PHTF1: variants seen among roughly 807,000 people sequenced by gnomAD.
PHTF1 encodes the protein putative homeodomain transcription factor 1.
Under a neutral mutation model 102.4 loss-of-function variants are expected in PHTF1, and 88 were observed. The observed-to-expected ratio is 0.86, with a 90% CI of 0.72 to 1.03. The LOEUF (loss-of-function observed/expected upper bound fraction) is 1.03, where lower values mean the gene tolerates loss of function less well. Among genes scored for constraint, PHTF1 ranks in the 50% least tolerant of loss-of-function variants. The pLI, the probability that PHTF1 is intolerant of heterozygous loss-of-function variation, is 0.00. For synonymous variants in PHTF1, 289 were observed against 305.2 expected (o/e 0.95, Z 0.55); for missense variants, 814 against 909.5 (o/e 0.89, Z 1.35).
intron 17 of PHTF1, 44 bp from the exon 18 acceptor site, chr1:113,698,431 C>G (rs748517776): frequency 3.8e-6 from 6 of 1,581,492 alleles, no homozygotes; most frequent in Non-Finnish European, 5.2e-6. Flanking sequence ...CATGTTTTCT[C>G]ATAGCTACTC....
At chr1:113,709,427 T>C (rs1173591408) in intron 11 of PHTF1, among the ~76,000 whole-genome samples, 2 of 152,190 alleles carry the variant, frequency 1.3e-5, no homozygotes, top group Non-Finnish European at 2.9e-5. Flanking sequence ...GTGGAAATAT[T>C]TAGCCTAAAG....
At chr1:113,750,596 C>A (rs529407380) in intron 3 of PHTF1, among the ~76,000 whole-genome samples, 3 of 152,086 alleles carry the variant, frequency 2.0e-5, no homozygotes, top group Admixed American at 6.5e-5. Flanking sequence ...TGGTGGCTCA[C>A]GCCTGTAATC....
chr1:113,715,854 G>A (rs1240216999), intron 7 of PHTF1, among the ~76,000 whole-genome samples: 1 of 150,352 alleles, frequency 6.7e-6, no homozygotes, highest in Admixed American at 6.7e-5. Context: ...CTTAACAGCA[G>A]AATTGATCAA....
At chr1:113,753,650 A>G (rs1449156026) in intron 3 of PHTF1, among the ~76,000 whole-genome samples, 4 of 148,974 alleles carry the variant, frequency 2.7e-5, no homozygotes, top group Admixed American at 1.3e-4. Flanking sequence ...CTAGTCTTGA[A>G]CTCCTGAGCT....
intron 10 of PHTF1, 81 bp from the exon 11 acceptor site, chr1:113,710,556 C>G (rs936271183): frequency 9.8e-7 from 1 of 1,020,496 alleles, no homozygotes; most frequent in Non-Finnish European, 1.5e-6. Context: ...AACAACTTAT[C>G]TACAGCAATG....
chr1:113,740,019 T>C (rs1656114837), intron 3 of PHTF1, among the ~76,000 whole-genome samples: 1 of 152,256 alleles, frequency 6.6e-6, no homozygotes, highest in East Asian at 1.9e-4. Context: ...TCATGACTAT[T>C]GTGAACAGTG....
intron 5 of PHTF1, among the ~76,000 whole-genome samples, chr1:113,737,893 G>A (rs1335659060): frequency 1.3e-5 from 2 of 152,242 alleles, no homozygotes; most frequent in East Asian, 3.8e-4. Context: ...GAGACAGGTA[G>A]AAAGAAACTC....
chr1:113,723,613 G>A (rs1044075640), intron 7 of PHTF1, among the ~76,000 whole-genome samples: 1 of 152,110 alleles, frequency 6.6e-6, no homozygotes, highest in African/African-American at 2.4e-5. Flanking sequence ...CTCACCATAT[G>A]CAAAAATCAA....
rs1222752441 is a variant in PHTF1, at chr1:113,710,235, T to C, written c.1269+19A>G. The C allele has an allele frequency of 1.3e-6, 2 of 1,571,422 alleles. No individual in the cohort carries two copies. Among genetic ancestry groups the C allele is most frequent in the Admixed American group, 1.7e-5 (1 of 59,952 alleles). ...AGAACACAATAAATACTAGCTATTC[T>C]TATCATGTCTGCACAGACCTGCTGA... is the stretch of plus-strand genomic sequence containing the variant. On this transcript the variant is annotated intron_variant, in intron 11 of 18. Coordinates refer to ENST00000369604, the MANE Select transcript of PHTF1 (RefSeq NM_001323043.2).
intron 3 of PHTF1, among the ~76,000 whole-genome samples, chr1:113,746,660 C>T (rs758086761): frequency 1.8e-4 from 28 of 152,152 alleles, no homozygotes; most frequent in Non-Finnish European, 3.2e-4. Context: ...AGCCAATATA[C>T]GTAAATACTC....
intron 7 of PHTF1, among the ~76,000 whole-genome samples, chr1:113,717,420 T>C (rs565812881): frequency 2.0e-5 from 3 of 151,910 alleles, no homozygotes; most frequent in East Asian, 3.9e-4. Flanking sequence ...TCAAAAGACA[T>C]AGAGTGGCTT....
chr1:113,734,089 A>G (rs1197058096), intron 5 of PHTF1, among the ~76,000 whole-genome samples: 11 of 152,124 alleles, frequency 7.2e-5, no homozygotes, highest in Admixed American at 2.6e-4. Flanking sequence ...ATGAAACCCT[A>G]TCTCTACTAA....
chr1:113,748,029 G>C (rs1172394034), intron 3 of PHTF1, among the ~76,000 whole-genome samples: 1 of 152,152 alleles, frequency 6.6e-6, no homozygotes, highest in Non-Finnish European at 1.5e-5. Flanking sequence ...CCAGGCTAGA[G>C]TGCAGTGTTG....
chr1:113,701,001 GTAAT>G, intron 15 of PHTF1, 52 bp from the exon 16 acceptor site: 1 of 1,299,066 alleles, frequency 7.7e-7, no homozygotes, highest in Non-Finnish European at 1.1e-6. Context: ...TTAAAATCAT[GTAAT>G]TACTCTTTTA....
In PHTF1 at chr1:113,759,018, C is replaced by G; in HGVS notation, c.-31+5G>C. 1 of 1,053,860 alleles carries G rather than the reference C, an allele frequency of 9.5e-7. No homozygotes were observed. The highest frequency in any genetic ancestry group is 1.1e-6 in the Non-Finnish European group (1 of 875,404). 65.3% of individuals were successfully genotyped at this position (1,053,860 alleles called of 1,614,324 possible). On this transcript the variant is annotated splice_donor_5th_base_variant and intron_variant, in intron 1 of 18. Coordinates refer to ENST00000369604, the MANE Select transcript of PHTF1 (RefSeq NM_001323043.2). The stretch of plus-strand genomic sequence containing the variant: ...CTCCTTCGCTCGCCCGCGTCCGGCT[C>G]TCACCTAGTGCCCGTTGCCCCGCGG...
chr1:113,698,218 T>A lies in PHTF1; in HGVS notation c.2268+44A>T. 1.4e-6 allele frequency: 2 copies of A among 1,457,712 alleles called. 1 individual carries two copies. Among genetic ancestry groups the A allele is most frequent in the East Asian group, 4.8e-5 (2 of 41,670 alleles). 90.3% of individuals were successfully genotyped at this position (1,457,712 alleles called of 1,614,324 possible). ...GAAGAACACAGATTTCTGTACATAG[T>A]AATTTTTAAGACTAGGATGCTACAG... On this transcript the variant is annotated intron_variant, in intron 18 of 18. Transcript: ENST00000369604.
rs1223201753 is a variant in PHTF1, at chr1:113,696,833, C to G, written c.*872G>C. On this transcript the variant is annotated 3_prime_UTR_variant, in exon 19 of 19. Transcript: ENST00000369604. ...CATGGCCGATTATAGACACTGAGGA[C>G]CTGAAAATGTACGGAGGGTTTAATA... The G allele has an allele frequency of 6.6e-6, 1 of 152,044 alleles. No individual in the cohort carries two copies. The highest frequency in any genetic ancestry group is 1.9e-4 in the East Asian group (1 of 5,192). The allele number at this position is 152,044 out of a possible 1,614,324, so 9.4% of individuals were successfully genotyped here. A position where few individuals can be genotyped will look rare whatever the true frequency, so the allele number is the denominator to read the frequency against.
chr1:113,742,705 CTGAGTGAGTCAG>C (rs1240140125), intron 3 of PHTF1, among the ~76,000 whole-genome samples: 1 of 152,160 alleles, frequency 6.6e-6, no homozygotes, highest in Non-Finnish European at 1.5e-5. Flanking sequence ...GGGAGTTGCT[CTGAGTGAGTCAG>C]TGAGTGAGTG....
chr1:113,738,232 C>T lies in PHTF1; in HGVS notation c.209G>A (p.Trp70Ter). 6.2e-7 allele frequency: 1 copy of T among 1,613,768 alleles called. No individual in the cohort carries two copies. Among genetic ancestry groups the T allele is most frequent in the Non-Finnish European group, 8.5e-7 (1 of 1,179,830 alleles). ...TFAKAKPEIP[W>*]TSLTRKGLVR... ...AAGCCCCTTCCGAGTCAGAGATGTC[C>T]ATGGAATTTCAGGTTTTGCTTTGGC... is the stretch of plus-strand genomic sequence containing the variant. The change falls in exon 5 of 19, where the codon TGG (tryptophan) becomes TAG (stop). Residue 70 changes from tryptophan (W) to a stop codon, truncating the protein, a stop_gained. Transcript: ENST00000369604. LOFTEE classifies it high-confidence loss of function.
Sources: allele counts gnomAD v4.1 joint callset (sites outside exome capture counted in the v4.1 genomes callset), GRCh38; gene constraint gnomAD v4.1.1; transcripts MANE v1.5; gene names NCBI Gene and HGNC (gene_info 2026-07-23, HGNC 2026-07-21).